Variants in MYO1C observed in about 807,000 individuals in gnomAD.
MYO1C encodes the protein unconventional myosin-Ic.
A neutral mutation model predicts 150.8 loss-of-function variants in MYO1C; 104 were observed. That is an observed-to-expected ratio of 0.69 (90% CI 0.59 to 0.81). MYO1C has a LOEUF of 0.81. Among genes scored for constraint, MYO1C ranks in the 30% least tolerant of loss-of-function variants. The pLI, the probability that MYO1C is intolerant of heterozygous loss-of-function variation, is 0.00. For missense variants in MYO1C, 1,504 were observed against 1,435.0 expected, an observed-to-expected ratio of 1.05 and a Z score of -0.78; for synonymous variants, 663 against 579.9, an observed-to-expected ratio of 1.14 and a Z score of -2.06.
At chr17:1,471,418 C>A (rs2074300754) in intron 19 of MYO1C, 82 bp from the exon 20 acceptor site, 2 of 1,129,364 alleles carry the variant, frequency 1.8e-6, no homozygotes, top group South Asian at 2.6e-5. Flanking sequence ...TGGGCACCTG[C>A]TGGGTGCTCC....
chr17:1,486,439 A>G (rs1165688811), intron 1 of MYO1C, among the ~76,000 whole-genome samples: 1 of 151,036 alleles, frequency 6.6e-6, no homozygotes, highest in African/African-American at 2.4e-5. Flanking sequence ...CGCCCACGGC[A>G]TTTGGGGCCC....
At position 1,480,731 on chromosome 17, in the gene MYO1C, G is replaced by A. The variant is rs745736868; in HGVS notation, c.782C>T (p.Pro261Leu). ...TLRRLGLERN[P>L]QSYLYLVKGQ... is the part of the protein sequence containing the mutation. ...CTTCACCAGGTACAGGTAGCTCTGG[G>A]GGTTCCGTTCCAAGCCCAGCCTGCG... Residue 261 changes from proline (P) to leucine (L), a missense_variant, in exon 6 of 32, where the codon CCC becomes CTC. Transcript: ENST00000648651. The A allele has an allele frequency of 6.2e-7, 1 of 1,614,152 alleles. No individual in the cohort carries two copies. The highest frequency in any genetic ancestry group is 8.5e-7 in the Non-Finnish European group (1 of 1,180,016).
intron 25 of MYO1C, chr17:1,468,972 T>C (rs1264304982): frequency 3.5e-6 from 1 of 286,792 alleles, no homozygotes; most frequent in Non-Finnish European, 6.8e-6. Context: ...TTCTGAGCAG[T>C]CTCTACCAAT....
chr17:1,480,244 C>T lies in MYO1C; in HGVS notation c.906+283G>A, dbSNP rs145133838. Among the ~76,000 whole-genome samples the T allele has an allele frequency of 7.3e-3, 1,101 of 150,454 alleles. 13 individuals carry two copies. Among genetic ancestry groups the T allele is most frequent in the Middle Eastern group, 0.01 (3 of 288 alleles). ...GGCGGATCACCTGAGGTCGGGAGTT[C>T]GAGACCAGGCTGGCCAACATGGTGA... On this transcript the variant is annotated intron_variant, in intron 7 of 31. Transcript: ENST00000648651.
In MYO1C at chr17:1,478,480, G is replaced by T; in HGVS notation, c.1225C>A (p.Pro409Thr). The T allele has an allele frequency of 6.2e-7, 1 of 1,614,140 alleles. No individual in the cohort carries two copies. The highest frequency in any genetic ancestry group is 1.3e-5 in the African/African-American group (1 of 75,048). ...RSLASKDVES[P>T]SWRSTTVLGL... ...AGAACCGTGGTGCTCCGCCAGCTGG[G>T]GCTCTCCACGTCCTAGGGCAGTCAT... The change falls in exon 11 of 32, where the codon CCC becomes ACC. Residue 409 changes from proline (P) to threonine (T), a missense_variant. Transcript: ENST00000648651. This position sits in a 1 kb window ranked among gnomAD's most constrained non-coding sequence, Gnocchi z 6.3.
rs765510565 is a variant in MYO1C, at chr17:1,467,836, G to C, written c.2967+4C>G. 2 of 1,547,842 alleles carry C rather than the reference G, an allele frequency of 1.3e-6. No individual in the cohort carries two copies. Among genetic ancestry groups the C allele is most frequent in the Non-Finnish European group, 1.8e-6 (2 of 1,141,828 alleles). Reference sequence around the variant, plus strand: ...ACCACTCCTCCCCATCCATGAAAAGGCACCTTTTGCTTATTGTCCGCACGC... The same window carrying C: ...ACCACTCCTCCCCATCCATGAAAAGCCACCTTTTGCTTATTGTCCGCACGC... On this transcript the variant is annotated splice_donor_region_variant and intron_variant, in intron 29 of 31. Coordinates refer to ENST00000648651, the MANE Select transcript of MYO1C (RefSeq NM_001080779.2).
rs1213936737 is a variant in MYO1C, at chr17:1,470,353, C to G, written c.2367-19G>C. On this transcript the variant is annotated intron_variant, in intron 23 of 31. Coordinates refer to ENST00000648651, the MANE Select transcript of MYO1C (RefSeq NM_001080779.2). Reference sequence around the variant, plus strand: ...GATGAGCCTGGGGTGGGGGGCCAGACAGGGTTGGGGGTGAGGGGCCTGGCG... The same window carrying G: ...GATGAGCCTGGGGTGGGGGGCCAGAGAGGGTTGGGGGTGAGGGGCCTGGCG... 6.5e-7 allele frequency: 1 copy of G among 1,527,966 alleles called. No homozygotes were observed. 94.7% of individuals were successfully genotyped at this position (1,527,966 alleles called of 1,614,324 possible). A position where few individuals can be genotyped will look rare whatever the true frequency, so the allele number is the denominator to read the frequency against.
intron 1 of MYO1C, 34 bp downstream of exon 1, chr17:1,492,379 C>T (rs1418052584): frequency 6.4e-7 from 1 of 1,574,230 alleles, no homozygotes. Context: ...GAGACGCTCC[C>T]ACCCTCCTCC....
chr17:1,472,226 G>C lies in MYO1C; in HGVS notation c.1800C>G (p.Val600=), dbSNP rs2074319514. 6.2e-7 allele frequency: 1 copy of C among 1,613,968 alleles called. No homozygotes were observed. The highest frequency in any genetic ancestry group is 8.5e-7 in the Non-Finnish European group (1 of 1,179,938). ...GGAGGCTCATCTTGAACTGGGTGGC[G>C]ACCTGGCGAGCCAAGAGGCATGGGA... The part of the protein sequence containing the change: ...ELSDKKRPET[V]ATQFKMSLLQ... Residue 600 remains valine, a splice_region_variant and synonymous_variant, in exon 18 of 32, where the codon GTC becomes GTG. Transcript: ENST00000648651.
In MYO1C at chr17:1,480,852, G is replaced by C; in HGVS notation, c.661C>G (p.Leu221Val). Reference protein sequence around the residue: ...APVGGHILSYLLEKSRVVHQN... With the variant: ...APVGGHILSYVLEKSRVVHQN... ...TGCACCACTCGTGACTTTTCCAGGA[G>C]GTAACTGAGGATGTGGCCACCCACG... Residue 221 changes from leucine (L) to valine (V), a missense_variant, in exon 6 of 32, where the codon CTC (leucine) becomes GTC (valine). Coordinates refer to ENST00000648651, the MANE Select transcript of MYO1C (RefSeq NM_001080779.2). The C allele has an allele frequency of 6.2e-7, 1 of 1,614,162 alleles. No homozygotes were observed. Among genetic ancestry groups the C allele is most frequent in the Non-Finnish European group, 8.5e-7 (1 of 1,180,036 alleles).
chr17:1,477,836 G>A (rs1211052680), intron 13 of MYO1C, 55 bp downstream of exon 13: 62 of 1,496,074 alleles, frequency 4.1e-5, no homozygotes, highest in Non-Finnish European at 5.4e-5. Context: ...CGGAGAAGGG[G>A]GACATCCTCC....
rs111634583 is a variant in MYO1C at position 1,483,299 on chromosome 17, G to GT, written c.348-241_348-240insA. On this transcript the variant is annotated intron_variant, in intron 3 of 31. Transcript: ENST00000648651. The stretch of plus-strand genomic sequence containing the variant: ...GTGGGAGGCTGGAGGTCACTTAGGT[G>GT]GAGGCTGGAGTCACTCACGGGTAGG... 3.1e-3 allele frequency among the ~76,000 whole-genome samples: 473 copies of GT among 152,122 alleles called. 1 individual carries two copies. Among genetic ancestry groups the GT allele is most frequent in the African/African-American group, 0.011 (450 of 41,456 alleles).
intron 1 of MYO1C, chr17:1,487,213 GC>G (rs1391816611): frequency 4.6e-5 from 7 of 152,524 alleles, no homozygotes; most frequent in African/African-American, 1.4e-4. Context: ...TTTCTCACTT[GC>G]TTGCGGGCAG....
chr17:1,478,852 G>A lies in MYO1C; in HGVS notation c.1093-117C>T. 6.6e-7 allele frequency: 1 copy of A among 1,512,762 alleles called. No homozygotes were observed. Among genetic ancestry groups the A allele is most frequent in the Non-Finnish European group, 9.0e-7 (1 of 1,116,168 alleles). 93.7% of individuals were successfully genotyped at this position (1,512,762 alleles called of 1,614,324 possible). A position where few individuals can be genotyped will look rare whatever the true frequency, so the allele number is the denominator to read the frequency against. ...CACTCTGCACTCCCAGCTCCAGCAA[G>A]CCTGCAGTATGGGGAGGGGTGCTGG... On this transcript the variant is annotated intron_variant, in intron 9 of 31. Transcript: ENST00000648651. The surrounding 1 kb of genome is among the most constrained non-coding windows in gnomAD (Gnocchi z 6.3).
chr17:1,468,434 ACT>A lies in MYO1C; in HGVS notation c.2671_2672del (p.Ser891CysfsTer14). On this transcript the variant is annotated frameshift_variant, in exon 26 of 32. Coordinates refer to ENST00000648651, the MANE Select transcript of MYO1C (RefSeq NM_001080779.2). LOFTEE classifies it high-confidence loss of function. Reference protein sequence around the residue: ...FKGKKDNYPQSVPRLFISTRL... With the variant: ...FKGKKDNYPQXVPRLFISTRL... ...GAGTGCTGATGAAGAGCCTGGGTAC[ACT>A]CTGAGGGTAATTATCCTTCTTGCCC... The A allele has an allele frequency of 6.2e-7, 1 of 1,613,786 alleles. No individual in the cohort carries two copies. The highest frequency in any genetic ancestry group is 8.5e-7 in the Non-Finnish European group (1 of 1,179,902).
chr17:1,489,294 G>T (rs557850206), intron 1 of MYO1C, among the ~76,000 whole-genome samples: 1 of 152,334 alleles, frequency 6.6e-6, no homozygotes, highest in Admixed American at 6.5e-5. Context: ...ATTGCTCACA[G>T]GGCCTTGGTC....
chr17:1,484,323 G>C lies in MYO1C; in HGVS notation c.76-20C>G. On this transcript the variant is annotated intron_variant, in intron 1 of 31. Coordinates refer to ENST00000648651, the MANE Select transcript of MYO1C (RefSeq NM_001080779.2). ...CAGGGCCTGCAGAGAATGGGCCACA[G>C]AAGAGGGTCAGAGTCATCGGGGGCG... 1.2e-6 allele frequency: 2 copies of C among 1,607,044 alleles called. No homozygotes were observed. The highest frequency in any genetic ancestry group is 1.7e-6 in the Non-Finnish European group (2 of 1,179,982).
intron 17 of MYO1C, among the ~76,000 whole-genome samples, chr17:1,472,654 G>C (rs1027331893): frequency 1.3e-5 from 2 of 152,234 alleles, no homozygotes; most frequent in Non-Finnish European, 2.9e-5. Flanking sequence ...CCTTGGCAAA[G>C]ACTCACAATC....
chr17:1,477,685 A>G, intron 13 of MYO1C, 89 bp from the exon 14 acceptor site: 1 of 1,127,960 alleles, frequency 8.9e-7, no homozygotes. Context: ...AGGCACAGAC[A>G]CAGGGGAGGG....
Sources: allele counts gnomAD v4.1 joint callset (sites outside exome capture counted in the v4.1 genomes callset), GRCh38; gene constraint gnomAD v4.1.1; non-coding constraint Gnocchi (gnomAD v3.1); transcripts MANE v1.5; gene names NCBI Gene and HGNC (gene_info 2026-07-23, HGNC 2026-07-21).